Variants in HS6ST2 observed in about 807,000 individuals in gnomAD.
HS6ST2 encodes heparan-sulfate 6-O-sulfotransferase 2.
In HS6ST2, 17 loss-of-function variants were observed where a neutral mutation model predicts 33.0. The ratio of observed to expected loss-of-function variants is 0.52; its 90% CI spans 0.35 to 0.77. The LOEUF (loss-of-function observed/expected upper bound fraction) is 0.77. Among genes scored for constraint, HS6ST2 ranks in the 30% least tolerant of loss-of-function variants. The probability of loss-of-function intolerance (pLI) is 0.01; values close to 1 mark genes in which losing one functional copy is unlikely to be tolerated. For missense variants in HS6ST2, 519 were observed against 551.7 expected (o/e 0.94, Z 0.59); for synonymous variants, 248 against 237.1 (o/e 1.05, Z -0.42).
At chrX:132,787,079 T>C (rs1005680611) in intron 2 of HS6ST2, among the ~76,000 whole-genome samples, 1 of 100,774 alleles carries the variant, frequency 9.9e-6, no homozygotes, top group Non-Finnish European at 2.0e-5. Flanking sequence ...GTCCCTAATA[T>C]ATGCTCTCAT....
intron 2 of HS6ST2, among the ~76,000 whole-genome samples, chrX:132,815,271 A>G (rs945585850): frequency 8.9e-6 from 1 of 112,651 alleles, no homozygotes; most frequent in African/African-American, 3.2e-5. Context: ...TGAAATAATA[A>G]TAACAATCAT....
chrX:132,789,951 T>C (rs945547469), intron 2 of HS6ST2, among the ~76,000 whole-genome samples: 2 of 112,544 alleles, frequency 1.8e-5, no homozygotes, highest in Non-Finnish European at 3.7e-5. Flanking sequence ...AGATAGGATC[T>C]ACTCCTGGTG....
chrX:132,770,663 C>T (rs2064889331), intron 2 of HS6ST2, among the ~76,000 whole-genome samples: 1 of 111,218 alleles, frequency 9.0e-6, no homozygotes, highest in African/African-American at 3.3e-5. Context: ...TCTGTCTCTC[C>T]TTGGAGGCAA....
intron 2 of HS6ST2, among the ~76,000 whole-genome samples, chrX:132,954,064 T>G (rs142205539): frequency 3.3e-3 from 369 of 112,400 alleles, no homozygotes; most frequent in Middle Eastern, 9.2e-3. Context: ...TCTCATCTGA[T>G]AAATGGGGAT....
chrX:132,892,251 G>A (rs867389979), intron 2 of HS6ST2, among the ~76,000 whole-genome samples: 10 of 111,719 alleles, frequency 9.0e-5, no homozygotes, highest in African/African-American at 2.9e-4. Context: ...TGTCCAATCC[G>A]GTTATAAGAT....
intron 4 of HS6ST2, among the ~76,000 whole-genome samples, chrX:132,644,912 C>T (rs1209018895): frequency 9.0e-6 from 1 of 111,547 alleles, no homozygotes; most frequent in South Asian, 3.8e-4. Context: ...CTGCTGCACC[C>T]ACAATACAAC....
chrX:132,847,448 C>G (rs1027171635), intron 2 of HS6ST2, among the ~76,000 whole-genome samples: 2 of 111,189 alleles, frequency 1.8e-5, no homozygotes, highest in Non-Finnish European at 3.8e-5. Context: ...AGTATCACCC[C>G]GGTTGAGCAC....
At chrX:132,908,626 G>A (rs964832349) in intron 2 of HS6ST2, among the ~76,000 whole-genome samples, 1 of 111,854 alleles carries the variant, frequency 8.9e-6, no homozygotes. Context: ...AGTCACAAAG[G>A]ACCACACACT....
At chrX:132,881,492 T>C (rs1021175221) in intron 2 of HS6ST2, among the ~76,000 whole-genome samples, 1 of 108 alleles carries the variant, frequency 9.3e-3, no homozygotes, top group African/African-American at 0.059. Context: ...TTCTTGTAAA[T>C]TTGTTGAGTT....
chrX:132,892,595 G>C (rs2066327863), intron 2 of HS6ST2, among the ~76,000 whole-genome samples: 1 of 112,310 alleles, frequency 8.9e-6, no homozygotes, highest in African/African-American at 3.2e-5. Context: ...AAAGCAGCCT[G>C]ATCACTTGAG....
At chrX:132,657,804 T>C (rs2063741855) in intron 4 of HS6ST2, among the ~76,000 whole-genome samples, 2 of 105,414 alleles carry the variant, frequency 1.9e-5, no homozygotes, top group Non-Finnish European at 3.9e-5. Context: ...CTGCAATTAC[T>C]TTTGCACCAA....
chrX:132,949,150 G>T (rs1258430993), intron 2 of HS6ST2, among the ~76,000 whole-genome samples: 2 of 110,418 alleles, frequency 1.8e-5, no homozygotes, highest in Non-Finnish European at 3.8e-5. Context: ...TACACTAACT[G>T]ATCTAAGCTC....
chrX:132,691,288 T>C (rs1022827923), intron 3 of HS6ST2, among the ~76,000 whole-genome samples: 2 of 111,822 alleles, frequency 1.8e-5, no homozygotes, highest in Non-Finnish European at 3.8e-5. Context: ...CTCTAAGGGT[T>C]TGGGCTGTAA....
At chrX:132,653,078 G>A (rs1401795430) in intron 4 of HS6ST2, among the ~76,000 whole-genome samples, 1 of 111,238 alleles carries the variant, frequency 9.0e-6, no homozygotes, top group Non-Finnish European at 1.9e-5. Context: ...TTCTTTTAGC[G>A]GTCACTGCCT....
At chrX:132,633,282 G>T (rs2063531627) in intron 4 of HS6ST2, among the ~76,000 whole-genome samples, 1 of 110,469 alleles carries the variant, frequency 9.1e-6, no homozygotes, top group South Asian at 3.9e-4. Flanking sequence ...GGCCACAGAT[G>T]CCATATTAAA....
At chrX:132,717,538 GAGTGTCCGGGGTCA>G (rs2064286805) in intron 2 of HS6ST2, among the ~76,000 whole-genome samples, 1 of 112,219 alleles carries the variant, frequency 8.9e-6, no homozygotes, top group African/African-American at 3.2e-5. Context: ...CCAAAGATCT[GAGTGTCCGGGGTCA>G]AGTACATGAA....
intron 2 of HS6ST2, among the ~76,000 whole-genome samples, chrX:132,734,621 T>G (rs1317334906): frequency 1.8e-5 from 2 of 111,839 alleles, no homozygotes; most frequent in African/African-American, 6.5e-5. Context: ...TTCCTTTAGA[T>G]TCCTGGTTGT....
At chrX:132,845,432 C>T (rs979767934) in intron 2 of HS6ST2, among the ~76,000 whole-genome samples, 2 of 110,948 alleles carry the variant, frequency 1.8e-5, no homozygotes, top group Admixed American at 9.7e-5. Context: ...AGTTTAATTG[C>T]AACAAAATTG....
chrX:132,867,225 C>G (rs780849617), intron 2 of HS6ST2, among the ~76,000 whole-genome samples: 5 of 107,105 alleles, frequency 4.7e-5, no homozygotes, highest in African/African-American at 1.7e-4. Context: ...TTTTCTGCAT[C>G]TATTGAGATA....
Sources: allele counts gnomAD v4.1 joint callset (sites outside exome capture counted in the v4.1 genomes callset), GRCh38; gene constraint gnomAD v4.1.1; transcripts MANE v1.5; gene names NCBI Gene and HGNC (gene_info 2026-07-23, HGNC 2026-07-21).